Variants in TOX2 observed in about 807,000 individuals in gnomAD.
TOX2 encodes TOX high mobility group box family member 2, also known as granulosa cell HMG box 1.
TOX2 carries 15 observed loss-of-function variants against 47.4 expected under a neutral mutation model. The ratio of observed to expected loss-of-function variants is 0.32; its 90% CI spans 0.21 to 0.49. The LOEUF is 0.49. Ranked by LOEUF, TOX2 falls within the 20% of genes least tolerant of loss-of-function variation. The probability of loss-of-function intolerance (pLI) is 0.99; values close to 1 mark genes in which losing one functional copy is unlikely to be tolerated. For missense variants in TOX2, 622 were observed against 673.1 expected, an observed-to-expected ratio of 0.92 and a Z score of 0.84; for synonymous variants, 290 against 296.6, an observed-to-expected ratio of 0.98 and a Z score of 0.23.
intron 1 of TOX2, among the ~76,000 whole-genome samples, chr20:43,930,794 G>A (rs1156490518): frequency 6.6e-6 from 1 of 152,170 alleles, no homozygotes; most frequent in African/African-American, 2.4e-5. Flanking sequence ...CTGCCAAAAA[G>A]TTTAGGAAAT....
At chr20:43,917,863 T>C (rs2069074969) in intron 1 of TOX2, among the ~76,000 whole-genome samples, 1 of 152,186 alleles carries the variant, frequency 6.6e-6, no homozygotes. Flanking sequence ...CTATTTAATG[T>C]AATAAAGGTG....
At chr20:43,959,568 C>T (rs745647891) in intron 1 of TOX2, among the ~76,000 whole-genome samples, 10 of 152,330 alleles carry the variant, frequency 6.6e-5, no homozygotes, top group East Asian at 3.9e-4. Context: ...CGAACGCTGT[C>T]GTTGACATAT....
intron 1 of TOX2, among the ~76,000 whole-genome samples, chr20:43,950,821 C>T (rs759959990): frequency 3.9e-5 from 6 of 152,112 alleles, no homozygotes; most frequent in South Asian, 2.1e-4. Flanking sequence ...AATGCAAGAG[C>T]GTAAACTCCA....
intron 2 of TOX2, among the ~76,000 whole-genome samples, chr20:43,976,782 GCACACACACA>G (rs11086916): frequency 6.8e-6 from 1 of 146,434 alleles, no homozygotes; most frequent in African/African-American, 2.6e-5. Context: ...GAGCGCGCGC[GCACACACACA>G]CACACACACA....
intron 2 of TOX2, among the ~76,000 whole-genome samples, chr20:43,998,545 C>A (rs1234785459): frequency 2.0e-5 from 3 of 152,118 alleles, no homozygotes; most frequent in Non-Finnish European, 4.4e-5. Flanking sequence ...CAGTTTTTTA[C>A]ATTTTATATT....
chr20:43,916,235 G>C lies in TOX2; in HGVS notation c.99+1245G>C, dbSNP rs886911452. On this transcript the variant is annotated intron_variant, in intron 1 of 8. Transcript: ENST00000341197. The surrounding 1 kb of genome is among the most constrained non-coding windows in gnomAD (Gnocchi z 5.0). ...TGAGTGCGCGTCCAGTGGCTGGATCGGCGCCCCCCAGGGTCTCTCCCCAAC... is the reference window on the plus strand; with the variant it reads ...TGAGTGCGCGTCCAGTGGCTGGATCCGCGCCCCCCAGGGTCTCTCCCCAAC... 1.0e-6 allele frequency: 1 copy of C among 985,422 alleles called. No individual in the cohort carries two copies. The highest frequency in any genetic ancestry group is 4.7e-5 in the South Asian group (1 of 21,290). The allele number at this position is 985,422 out of a possible 1,614,324, so 61.0% of individuals were successfully genotyped here.
At chr20:43,972,146 T>G (rs2069983017) in intron 1 of TOX2, among the ~76,000 whole-genome samples, 1 of 152,206 alleles carries the variant, frequency 6.6e-6, no homozygotes, top group African/African-American at 2.4e-5. Context: ...ACAGCCAGTA[T>G]AGTTCTCTGA....
chr20:44,044,171 G>A (rs185417328), intron 3 of TOX2, among the ~76,000 whole-genome samples: 5 of 152,120 alleles, frequency 3.3e-5, no homozygotes, highest in South Asian at 2.1e-4. Flanking sequence ...GCAAACTATC[G>A]CAAGAACAAA....
chr20:43,955,525 A>T (rs572864325), intron 1 of TOX2, among the ~76,000 whole-genome samples: 20 of 152,300 alleles, frequency 1.3e-4, no homozygotes, highest in Admixed American at 9.8e-4. Flanking sequence ...TTTTTTAATG[A>T]ATCATCAGAA....
At chr20:44,024,053 C>T (rs1007085907) in intron 3 of TOX2, among the ~76,000 whole-genome samples, 1 of 152,190 alleles carries the variant, frequency 6.6e-6, no homozygotes, top group Admixed American at 6.5e-5. Flanking sequence ...TATAAGATGA[C>T]TATTACACTG....
intron 1 of TOX2, among the ~76,000 whole-genome samples, chr20:43,962,441 C>T (rs1276766807): frequency 2.0e-5 from 3 of 152,210 alleles, no homozygotes; most frequent in Non-Finnish European, 1.5e-5. Flanking sequence ...CTGCCCAGGT[C>T]CCCAGGATCC....
chr20:43,980,341 A>G (rs1338872105), intron 2 of TOX2, among the ~76,000 whole-genome samples: 9 of 152,302 alleles, frequency 5.9e-5, no homozygotes, highest in African/African-American at 2.2e-4. Context: ...ACCCATGGAG[A>G]TAGGGAGTAG....
chr20:43,916,159 G>A lies in TOX2; in HGVS notation c.99+1169G>A. 1.0e-6 allele frequency: 1 copy of A among 985,436 alleles called. No homozygotes were observed. Among genetic ancestry groups the A allele is most frequent in the Non-Finnish European group, 1.2e-6 (1 of 829,968 alleles). 61.0% of individuals were successfully genotyped at this position (985,436 alleles called of 1,614,324 possible). On this transcript the variant is annotated intron_variant, in intron 1 of 8. Coordinates refer to ENST00000341197, the MANE Select transcript of TOX2 (RefSeq NM_001098797.2). The surrounding 1 kb of genome is among the most constrained non-coding windows in gnomAD (Gnocchi z 5.0). ...GGAGCCCGGATTGAACAGCGCGCGT[G>A]GGTTTCCCGCAGCCCTGGCGCAGAC...
chr20:43,965,028 C>T (rs1376675302), intron 1 of TOX2, among the ~76,000 whole-genome samples: 2 of 152,194 alleles, frequency 1.3e-5, no homozygotes, highest in Non-Finnish European at 2.9e-5. Flanking sequence ...AAGAAGGCAT[C>T]ATTCAATATC....
At chr20:43,979,944 T>C (rs948228128) in intron 2 of TOX2, among the ~76,000 whole-genome samples, 4 of 152,180 alleles carry the variant, frequency 2.6e-5, no homozygotes, top group East Asian at 1.9e-4. Flanking sequence ...TAAAATAGTA[T>C]AACTACTGTG....
At chr20:43,983,127 C>T (rs560306935) in intron 2 of TOX2, among the ~76,000 whole-genome samples, 3 of 151,848 alleles carry the variant, frequency 2.0e-5, no homozygotes, top group Admixed American at 1.3e-4. Flanking sequence ...CCAGTGTGGC[C>T]CCTGGCCCCA....
chr20:43,973,488 G>A, intron 2 of TOX2, 56 bp downstream of exon 2: 4 of 1,558,530 alleles, frequency 2.6e-6, no homozygotes, highest in Non-Finnish European at 3.5e-6. Context: ...GGCTGGATCT[G>A]AGCTGTTCCT....
At position 43,916,071 on chromosome 20, in the gene TOX2, G is replaced by A; in HGVS notation, c.99+1081G>A. ...TTAGTTAGGAAGCCAGACTGTCCGC[G>A]CGTCCGCCAGTCGGTGCGTCGGTCC... On this transcript the variant is annotated intron_variant, in intron 1 of 8. Coordinates refer to ENST00000341197, the MANE Select transcript of TOX2 (RefSeq NM_001098797.2). This position sits in a 1 kb window ranked among gnomAD's most constrained non-coding sequence, Gnocchi z 5.0. 2 of 958,066 alleles carry A rather than the reference G, an allele frequency of 2.1e-6. No homozygotes were observed. Among genetic ancestry groups the A allele is most frequent in the South Asian group, 4.8e-5 (1 of 20,724 alleles). 59.3% of individuals were successfully genotyped at this position (958,066 alleles called of 1,614,324 possible). A position where few individuals can be genotyped will look rare whatever the true frequency, so the allele number is the denominator to read the frequency against.
At position 44,068,959 on chromosome 20, in the gene TOX2, G is replaced by C; in HGVS notation, c.*273G>C. Reference sequence around the variant, plus strand: ...TAACTGTGGACCCTGTCCTCGCCCTGCGCACGGTACCCTATGTCTGGACAC... The same window carrying C: ...TAACTGTGGACCCTGTCCTCGCCCTCCGCACGGTACCCTATGTCTGGACAC... On this transcript the variant is annotated 3_prime_UTR_variant, in exon 9 of 9. Coordinates refer to ENST00000341197, the MANE Select transcript of TOX2 (RefSeq NM_001098797.2). 1.6e-6 allele frequency: 1 copy of C among 610,678 alleles called. No individual in the cohort carries two copies. The highest frequency in any genetic ancestry group is 3.1e-6 in the Non-Finnish European group (1 of 323,534). 37.8% of individuals were successfully genotyped at this position (610,678 alleles called of 1,614,324 possible).
Sources: allele counts gnomAD v4.1 joint callset (sites outside exome capture counted in the v4.1 genomes callset), GRCh38; gene constraint gnomAD v4.1.1; non-coding constraint Gnocchi (gnomAD v3.1); transcripts MANE v1.5; gene names NCBI Gene and HGNC (gene_info 2026-07-23, HGNC 2026-07-21).